THADA: variants seen among roughly 807,000 people sequenced by gnomAD.
THADA encodes the protein THADA armadillo repeat containing, also known as tRNA (32-2'-O)-methyltransferase regulator THADA.
THADA carries 213 observed loss-of-function variants against 219.8 expected under a neutral mutation model. The ratio of observed to expected loss-of-function variants is 0.97; its 90% CI spans 0.87 to 1.09. The LOEUF is 1.09. THADA is among the 50% of genes least tolerant of loss of function. The pLI is 0.00. For missense variants in THADA, 2,956 were observed against 2,311.3 expected, an observed-to-expected ratio of 1.28 and a Z score of -5.72; for synonymous variants, 1,018 against 828.9, an observed-to-expected ratio of 1.23 and a Z score of -3.92.
chr2:43,307,345 A>T (rs953983926), intron 31 of THADA, among the ~76,000 whole-genome samples: 2 of 151,774 alleles, frequency 1.3e-5, no homozygotes, highest in Non-Finnish European at 3.0e-5. Context: ...GAGAGAACAA[A>T]TCTGTATAGT....
chr2:43,471,983 A>T (rs1684960786), intron 26 of THADA, among the ~76,000 whole-genome samples: 2 of 152,258 alleles, frequency 1.3e-5, no homozygotes, highest in South Asian at 4.1e-4. Context: ...AAATGAACCA[A>T]GAAACATGTT....
chr2:43,559,271 C>T (rs1166019899), intron 16 of THADA, among the ~76,000 whole-genome samples: 1 of 152,188 alleles, frequency 6.6e-6, no homozygotes, highest in Non-Finnish European at 1.5e-5. Context: ...TGCTGTACAG[C>T]AACTTCCAAT....
At chr2:43,291,368 C>T (rs551715256) in intron 34 of THADA, among the ~76,000 whole-genome samples, 4 of 145,356 alleles carry the variant, frequency 2.8e-5, no homozygotes, top group Admixed American at 7.1e-5. Flanking sequence ...GGAGAAGAAT[C>T]GCTTGAACCT....
At chr2:43,354,650 C>A (rs1668677504) in intron 29 of THADA, among the ~76,000 whole-genome samples, 1 of 152,030 alleles carries the variant, frequency 6.6e-6, no homozygotes, top group South Asian at 2.1e-4. Flanking sequence ...TAACATGGAA[C>A]CTCTAGTTCT....
At chr2:43,296,240 A>G (rs6728997) in intron 31 of THADA, among the ~76,000 whole-genome samples, 27,156 of 150,686 alleles carry the variant, frequency 0.18, 3,308 homozygotes, top group African/African-American at 0.35. Flanking sequence ...TAACTCAGAC[A>G]CTGCAGAATT....
At chr2:43,520,713 T>TATATATATATATACAC (rs1218079783) in intron 22 of THADA, among the ~76,000 whole-genome samples, 2 of 125,050 alleles carry the variant, frequency 1.6e-5, no homozygotes, top group African/African-American at 6.0e-5. Flanking sequence ...TATATATATA[T>TATATATATATATACAC]ACACACACAC....
At chr2:43,589,599 A>AT (rs1247889786) in intron 4 of THADA, among the ~76,000 whole-genome samples, 1 of 152,210 alleles carries the variant, frequency 6.6e-6, no homozygotes, top group Admixed American at 6.5e-5. Flanking sequence ...CTCAAACATC[A>AT]TATGTTCTCA....
intron 36 of THADA, among the ~76,000 whole-genome samples, chr2:43,235,833 G>A (rs1233654614): frequency 6.6e-6 from 1 of 151,314 alleles, no homozygotes; most frequent in Non-Finnish European, 1.5e-5. Flanking sequence ...TTGAGACAGA[G>A]TCTCGCTCTG....
chr2:43,383,881 C>T (rs1672326151), intron 29 of THADA, among the ~76,000 whole-genome samples: 2 of 152,138 alleles, frequency 1.3e-5, no homozygotes, highest in African/African-American at 2.4e-5. Context: ...AATACCAAAA[C>T]ATATTCACTT....
chr2:43,494,090 G>C (rs1573927872), intron 25 of THADA, among the ~76,000 whole-genome samples: 2 of 152,180 alleles, frequency 1.3e-5, no homozygotes, highest in African/African-American at 4.8e-5. Context: ...CACATCACTG[G>C]ACATGCGATC....
At chr2:43,284,235 G>C (rs1216720467) in intron 35 of THADA, among the ~76,000 whole-genome samples, 2 of 152,192 alleles carry the variant, frequency 1.3e-5, no homozygotes, top group Admixed American at 6.5e-5. Context: ...AATGTCTCCA[G>C]GGCATTTCAG....
At chr2:43,298,300 C>T (rs538556987) in intron 31 of THADA, among the ~76,000 whole-genome samples, 1 of 91,480 alleles carries the variant, frequency 1.1e-5, no homozygotes, top group African/African-American at 6.2e-5. Flanking sequence ...GACCTTACCC[C>T]CAACCCTGTG....
Position 43,570,468 on chromosome 2 carries a change from A to G in THADA, c.2107T>C (p.Leu703=). Residue 703 remains leucine, a synonymous_variant, in exon 14 of 38, where the codon TTG becomes CTG. Transcript: ENST00000405975. ...IQESSQVLYK[L]EQSKSKREPE... The stretch of plus-strand genomic sequence containing the variant: ...TCACGTTTGGATTTACTCTGCTCCA[A>G]TTTATAAAGTACCTGAGAACTTTCC... 1 of 1,613,240 alleles carries G rather than the reference A, an allele frequency of 6.2e-7. No individual in the cohort carries two copies. The highest frequency in any genetic ancestry group is 8.5e-7 in the Non-Finnish European group (1 of 1,179,642).
At chr2:43,503,617 G>A (rs1002547069) in intron 24 of THADA, among the ~76,000 whole-genome samples, 3 of 151,968 alleles carry the variant, frequency 2.0e-5, no homozygotes, top group African/African-American at 7.3e-5. Flanking sequence ...ACTGGAACTG[G>A]TTTCAAATAT....
chr2:43,298,037 G>A lies in THADA; in HGVS notation c.4439-4824C>T, dbSNP rs867945007. ...CCCCCCGGCCCGGCCAGCCGCCCCG[G>A]CCGCCCCTACTGGGAAGTGAGGAGC... is the stretch of plus-strand genomic sequence containing the variant. On this transcript the variant is annotated intron_variant, in intron 31 of 37. Coordinates refer to ENST00000405975, the MANE Select transcript of THADA (RefSeq NM_022065.5). 1.8e-5 allele frequency among the ~76,000 whole-genome samples: 2 copies of A among 112,756 alleles called. 1 individual carries two copies. Among genetic ancestry groups the A allele is most frequent in the South Asian group, 5.8e-4 (2 of 3,436 alleles). The allele number at this position is 112,756 out of a possible 152,430, so 74.0% of individuals were successfully genotyped here. A position where few individuals can be genotyped will look rare whatever the true frequency, so the allele number is the denominator to read the frequency against.
At chr2:43,457,707 C>T (rs560009986) in intron 26 of THADA, among the ~76,000 whole-genome samples, 7 of 152,164 alleles carry the variant, frequency 4.6e-5, no homozygotes, top group East Asian at 1.9e-4. Flanking sequence ...TATAGGGAAC[C>T]GCCCACAAAT....
intron 15 of THADA, chr2:43,562,601 A>C (rs1443460289): frequency 6.6e-6 from 1 of 152,146 alleles, no homozygotes; most frequent in Non-Finnish European, 1.5e-5. Context: ...GCCTTATAAA[A>C]TGAGGTAGGA....
intron 29 of THADA, among the ~76,000 whole-genome samples, chr2:43,388,081 A>G (rs1672906270): frequency 6.6e-6 from 1 of 152,216 alleles, no homozygotes; most frequent in South Asian, 2.1e-4. Flanking sequence ...GCACAAGTAC[A>G]TAAACGTGCA....
intron 21 of THADA, among the ~76,000 whole-genome samples, chr2:43,533,467 T>C (rs924878307): frequency 2.6e-5 from 4 of 152,128 alleles, no homozygotes; most frequent in Admixed American, 6.5e-5. Flanking sequence ...CCATTTACAA[T>C]AGCAAAGACT....
Sources: gnomAD v4.1 joint callset for allele counts (sites outside exome capture counted in the v4.1 genomes callset) on GRCh38, gnomAD v4.1.1 for gene constraint, MANE v1.5 for transcripts, NCBI Gene and HGNC (gene_info 2026-07-23, HGNC 2026-07-21) for gene names.